The following PLXNA4 variants were observed in gnomAD, a reference collection of about 807,000 sequenced individuals.
PLXNA4 encodes the protein plexin-A4.
In PLXNA4, 44 loss-of-function variants were observed where a neutral mutation model predicts 191.8. The observed-to-expected ratio is 0.23, with a 90% CI of 0.18 to 0.29. The LOEUF is 0.29. Among genes scored for constraint, PLXNA4 ranks in the 10% least tolerant of loss-of-function variants. PLXNA4 has a pLI of 1.00. For missense variants in PLXNA4, 1,800 were observed against 2,488.8 expected (o/e 0.72, Z 5.89); for synonymous variants, 1,082 against 1,009.5 (o/e 1.07, Z -1.36).
chr7:132,445,859 C>T (rs1417444414), intron 3 of PLXNA4, among the ~76,000 whole-genome samples: 1 of 152,164 alleles, frequency 6.6e-6, no homozygotes, highest in African/African-American at 2.4e-5. Context: ...GGGATTCCAG[C>T]TCCTCACACA....
chr7:132,416,990 A>T (rs541881160), intron 3 of PLXNA4, among the ~76,000 whole-genome samples: 37 of 144,070 alleles, frequency 2.6e-4, no homozygotes, highest in East Asian at 7.9e-4. Context: ...GATTCTAGTT[A>T]AAAAAAAAAA....
intron 2 of PLXNA4, among the ~76,000 whole-genome samples, chr7:132,593,148 G>A (rs1173871696): frequency 6.6e-6 from 1 of 152,210 alleles, no homozygotes; most frequent in African/African-American, 2.4e-5. Context: ...AGATAAAATC[G>A]CTGGGCCTGG....
At chr7:132,488,700 C>T (rs1009222507) in intron 3 of PLXNA4, among the ~76,000 whole-genome samples, 1 of 152,180 alleles carries the variant, frequency 6.6e-6, no homozygotes, top group Non-Finnish European at 1.5e-5. Context: ...CCAGAACCTG[C>T]CAGCTTCCGG....
chr7:132,191,055 G>A (rs1324021583), intron 14 of PLXNA4, among the ~76,000 whole-genome samples: 1 of 152,172 alleles, frequency 6.6e-6, no homozygotes, highest in Non-Finnish European at 1.5e-5. Context: ...GAAGGAGATA[G>A]AGAAGATAAG....
At chr7:132,489,858 C>T (rs533381667) in intron 2 of PLXNA4, among the ~76,000 whole-genome samples, 2 of 152,316 alleles carry the variant, frequency 1.3e-5, no homozygotes, top group African/African-American at 4.8e-5. Flanking sequence ...GGCTCCAGGC[C>T]GCTCTGCTCA....
intron 3 of PLXNA4, among the ~76,000 whole-genome samples, chr7:132,335,220 C>T (rs10272059): frequency 0.11 from 17,269 of 152,204 alleles, 1,224 homozygotes; most frequent in Admixed American, 0.22. Flanking sequence ...GCAACCTTCA[C>T]AGGGCTCGTG....
intron 1 of PLXNA4, among the ~76,000 whole-genome samples, chr7:132,557,460 G>A (rs1034404874): frequency 1.3e-5 from 2 of 151,966 alleles, no homozygotes; most frequent in South Asian, 2.1e-4. Flanking sequence ...CGGCAGGGGG[G>A]GACGTAAAGA....
At chr7:132,290,534 G>A (rs2116457629) in intron 4 of PLXNA4, among the ~76,000 whole-genome samples, 1 of 152,250 alleles carries the variant, frequency 6.6e-6, no homozygotes, top group East Asian at 1.9e-4. Flanking sequence ...AGTGTGTATA[G>A]ACATTCCCTT....
intron 3 of PLXNA4, among the ~76,000 whole-genome samples, chr7:132,369,786 C>T (rs1223431008): frequency 2.6e-5 from 4 of 151,738 alleles, no homozygotes; most frequent in African/African-American, 7.3e-5. Context: ...AGATGATATG[C>T]GGCCGGGCGC....
chr7:132,190,186 A>C (rs1797042387), intron 14 of PLXNA4, among the ~76,000 whole-genome samples: 1 of 152,216 alleles, frequency 6.6e-6, no homozygotes, highest in South Asian at 2.1e-4. Flanking sequence ...ATCCACATGG[A>C]AAATTATATT....
chr7:132,164,071 T>C (rs1796025522), intron 24 of PLXNA4, 71 bp downstream of exon 24: 3 of 1,594,370 alleles, frequency 1.9e-6, no homozygotes, highest in Admixed American at 3.4e-5. Flanking sequence ...CCATCTCCAC[T>C]GCTGAGCAGG....
intron 4 of PLXNA4, among the ~76,000 whole-genome samples, chr7:132,258,739 C>T (rs1011959992): frequency 5.3e-5 from 8 of 152,122 alleles, no homozygotes; most frequent in East Asian, 3.9e-4. Flanking sequence ...GGGAAGAAGA[C>T]AAAAATAACT....
intron 2 of PLXNA4, among the ~76,000 whole-genome samples, chr7:132,611,976 C>T (rs1803055293): frequency 6.6e-6 from 1 of 152,152 alleles, no homozygotes; most frequent in Admixed American, 6.5e-5. Flanking sequence ...TCAAGGTCAC[C>T]TTAAGGCTGC....
intron 3 of PLXNA4, among the ~76,000 whole-genome samples, chr7:132,398,593 C>T (rs1793855503): frequency 6.6e-6 from 1 of 152,210 alleles, no homozygotes; most frequent in South Asian, 2.1e-4. Flanking sequence ...AGCCTGGGCT[C>T]CAGGGACGCA....
In PLXNA4 at chr7:132,154,419, T is replaced by TTTTG. The variant is rs1795735100; in HGVS notation, c.4660+5053_4660+5054insCAAA. ...TGACATCTAAAAACGTTCTGTTTTTTTTTTTTTTTTAATTATTGTGACAGC... is the reference window on the plus strand; with the variant it reads ...TGACATCTAAAAACGTTCTGTTTTTTTTTGTTTTTTTTTTAATTATTGTGACAGC... On this transcript the variant is annotated intron_variant, in intron 25 of 31. Coordinates refer to ENST00000321063, the MANE Select transcript of PLXNA4 (RefSeq NM_020911.2). Among the ~76,000 whole-genome samples the TTTTG allele has an allele frequency of 5.9e-5, 9 of 151,938 alleles. No individual in the cohort carries two copies. In the South Asian group the frequency reaches 1.9e-3, roughly 32 times the overall value.
chr7:132,373,107 G>A (rs1024632467), intron 3 of PLXNA4, among the ~76,000 whole-genome samples: 3 of 151,968 alleles, frequency 2.0e-5, no homozygotes, highest in Admixed American at 6.5e-5. Context: ...TTCCCATTTT[G>A]CACGGGCACT....
intron 1 of PLXNA4, among the ~76,000 whole-genome samples, chr7:132,516,983 T>A (rs1254912504): frequency 2.0e-5 from 3 of 152,076 alleles, no homozygotes; most frequent in Admixed American, 2.0e-4. Flanking sequence ...AAAACCAGTG[T>A]CCCTGCTCTC....
chr7:132,493,684 T>C (rs1438743580), intron 2 of PLXNA4, among the ~76,000 whole-genome samples: 2 of 151,788 alleles, frequency 1.3e-5, no homozygotes, highest in African/African-American at 4.8e-5. Context: ...AATGGATGGA[T>C]AGATGGATGG....
At chr7:132,534,537 T>C (rs1799754921) in intron 1 of PLXNA4, among the ~76,000 whole-genome samples, 5 of 152,126 alleles carry the variant, frequency 3.3e-5, no homozygotes, top group Admixed American at 3.3e-4. Context: ...GTGTTGTGTG[T>C]GCATAGATTC....
Sources: gnomAD v4.1 joint callset for allele counts (sites outside exome capture counted in the v4.1 genomes callset) on GRCh38, gnomAD v4.1.1 for gene constraint, MANE v1.5 for transcripts, NCBI Gene and HGNC (gene_info 2026-07-23, HGNC 2026-07-21) for gene names.